Variants in ERG observed in about 807,000 individuals in gnomAD.
ERG encodes transcriptional regulator ERG.
A neutral mutation model predicts 55.3 loss-of-function variants in ERG; 9 were observed. The ratio of observed to expected loss-of-function variants is 0.16; its 90% CI spans 0.10 to 0.28. ERG has a LOEUF of 0.28. Among genes scored for constraint, ERG ranks in the 10% least tolerant of loss-of-function variants. The pLI is 1.00. For synonymous variants in ERG, 223 were observed against 237.3 expected, an observed-to-expected ratio of 0.94 and a Z score of 0.55; for missense variants, 434 against 631.6, an observed-to-expected ratio of 0.69 and a Z score of 3.35.
intron 1 of ERG, among the ~76,000 whole-genome samples, chr21:38,642,800 G>A (rs1475592872): frequency 6.6e-6 from 1 of 152,200 alleles, no homozygotes; most frequent in Non-Finnish European, 1.5e-5. Flanking sequence ...AAGGAGGAGA[G>A]GGGTAGAAAC....
intron 1 of ERG, among the ~76,000 whole-genome samples, chr21:38,613,609 A>C (rs2060241513): frequency 1.3e-5 from 2 of 152,230 alleles, no homozygotes; most frequent in Admixed American, 1.3e-4. Context: ...CTGTGAAGGC[A>C]AGCAGGCTTC....
intron 1 of ERG, among the ~76,000 whole-genome samples, chr21:38,497,704 C>T (rs1044295972): frequency 9.9e-5 from 15 of 152,190 alleles, no homozygotes; most frequent in Middle Eastern, 3.2e-3. Flanking sequence ...TTCCAATCTC[C>T]GCAAACCTAA....
intron 1 of ERG, chr21:38,450,773 AG>A: frequency 2.6e-6 from 1 of 388,056 alleles, no homozygotes; most frequent in Non-Finnish European, 5.1e-6. Context: ...GGCTTATCCT[AG>A]GTATCAGGCA....
At chr21:38,446,413 C>T (rs1437537378) in intron 1 of ERG, among the ~76,000 whole-genome samples, 3 of 152,012 alleles carry the variant, frequency 2.0e-5, no homozygotes, top group Admixed American at 6.6e-5. Flanking sequence ...AATCATTTTT[C>T]GTGGTTTTAA....
At chr21:38,400,445 T>A in intron 6 of ERG, 129 bp downstream of exon 6, 1 of 801,628 alleles carries the variant, frequency 1.2e-6, no homozygotes, top group Non-Finnish European at 2.3e-6. Context: ...AGAGGCAGAA[T>A]AAGACTGTCT....
chr21:38,412,885 C>T (rs57918735), intron 3 of ERG, among the ~76,000 whole-genome samples: 6,331 of 152,140 alleles, frequency 0.042, 424 homozygotes, highest in African/African-American at 0.14. Context: ...TTCTGTACAG[C>T]GTAGGTTGAA....
chr21:38,437,950 C>G (rs1391477955), intron 2 of ERG, among the ~76,000 whole-genome samples: 2 of 152,200 alleles, frequency 1.3e-5, no homozygotes, highest in Non-Finnish European at 2.9e-5. Context: ...CTAATGATTT[C>G]TGAACTCACC....
chr21:38,480,591 CTT>C (rs544037525), intron 1 of ERG, among the ~76,000 whole-genome samples: 80 of 51,110 alleles, frequency 1.6e-3, no homozygotes, highest in African/African-American at 6.0e-3. Context: ...ACTATATGGC[CTT>C]TTTTTTTTTT....
At position 38,382,223 on chromosome 21, in the gene ERG, A is replaced by G. The variant is rs2146407931; in HGVS notation, c.*1180T>C. 1 of 1,047,072 alleles carries G rather than the reference A, an allele frequency of 9.6e-7. No homozygotes were observed. 64.9% of individuals were successfully genotyped at this position (1,047,072 alleles called of 1,614,324 possible). A position where few individuals can be genotyped will look rare whatever the true frequency, so the allele number is the denominator to read the frequency against. ...GTATAAATGCATAAGTTATATAATT[A>G]TTATATAAAAAGGGGGAAAAACATT... On this transcript the variant is annotated 3_prime_UTR_variant, in exon 10 of 10. Transcript: ENST00000288319.
At chr21:38,477,992 T>G (rs2059204574) in intron 1 of ERG, among the ~76,000 whole-genome samples, 1 of 152,258 alleles carries the variant, frequency 6.6e-6, no homozygotes, top group East Asian at 1.9e-4. Flanking sequence ...CATCCTAACA[T>G]TCGATCTTAT....
chr21:38,554,043 C>T (rs1336813516), intron 2 of ERG, among the ~76,000 whole-genome samples: 1 of 151,988 alleles, frequency 6.6e-6, no homozygotes, highest in Non-Finnish European at 1.5e-5. Flanking sequence ...AGACACTTCT[C>T]AAAAGAAGAC....
chr21:38,619,136 C>G (rs1229598607), intron 1 of ERG, among the ~76,000 whole-genome samples: 4 of 152,160 alleles, frequency 2.6e-5, no homozygotes, highest in African/African-American at 9.7e-5. Flanking sequence ...ATGACACACT[C>G]TACCTGTAGA....
In ERG at chr21:38,445,328, A is replaced by G. The variant is rs2058881254; in HGVS notation, c.236+76T>C. On this transcript the variant is annotated intron_variant, in intron 2 of 9. Coordinates refer to ENST00000288319, the MANE Select transcript of ERG (RefSeq NM_182918.4). ...CTAAGTCAATCTTTAGAGAAGCATG[A>G]CTGACTTCCACTTTGCCTTTGCAAA... is the stretch of plus-strand genomic sequence containing the variant. 6 of 1,142,280 alleles carry G rather than the reference A, an allele frequency of 5.3e-6. No homozygotes were observed. In the South Asian group the frequency reaches 8.1e-5, roughly 16 times the overall value. 70.8% of individuals were successfully genotyped at this position (1,142,280 alleles called of 1,614,324 possible). A position where few individuals can be genotyped will look rare whatever the true frequency, so the allele number is the denominator to read the frequency against.
intron 2 of ERG, among the ~76,000 whole-genome samples, chr21:38,445,135 CTTCTT>C (rs980253031): frequency 1.7e-4 from 25 of 145,482 alleles, no homozygotes; most frequent in Admixed American, 4.8e-4. Flanking sequence ...TTTCTTTCTT[CTTCTT>C]TTTTTTTTTT....
At chr21:38,654,295 T>C (rs2060505621) in intron 1 of ERG, among the ~76,000 whole-genome samples, 1 of 152,190 alleles carries the variant, frequency 6.6e-6, no homozygotes, top group Non-Finnish European at 1.5e-5. Flanking sequence ...CTGGCCAATG[T>C]GGCGAAATCC....
chr21:38,450,786 C>A (rs1412181030), intron 1 of ERG: 1 of 407,772 alleles, frequency 2.5e-6, no homozygotes, highest in African/African-American at 2.1e-5. Flanking sequence ...TATCAGGCAG[C>A]ATTTCTTCTT....
chr21:38,579,723 C>T (rs9975948), intron 1 of ERG, among the ~76,000 whole-genome samples: 86,044 of 151,922 alleles, frequency 0.57, 25,724 homozygotes, highest in Non-Finnish European at 0.68. Context: ...GGCACTGCCA[C>T]CCTCCACACC....
intron 1 of ERG, among the ~76,000 whole-genome samples, chr21:38,458,711 G>C (rs1490435438): frequency 1.3e-5 from 2 of 152,096 alleles, no homozygotes; most frequent in African/African-American, 4.8e-5. Flanking sequence ...TGTTGGTCTG[G>C]GTGTCCGAAG....
In ERG at chr21:38,417,324, G is replaced by T. The variant is rs188491198; in HGVS notation, c.388+6086C>A. Among the ~76,000 whole-genome samples the T allele has an allele frequency of 9.2e-5, 14 of 152,308 alleles. No individual in the cohort carries two copies. The East Asian group carries it at 1.2e-3, about 13-fold the overall frequency. On this transcript the variant is annotated intron_variant, in intron 3 of 9. Transcript: ENST00000288319. ...GGAACACAGTAAGAGTTTAATGAAT[G>T]AATTAATAATGAAGAAAGTGAAGAG... is the stretch of plus-strand genomic sequence containing the variant.
Sources: allele counts gnomAD v4.1 joint callset (sites outside exome capture counted in the v4.1 genomes callset), GRCh38; gene constraint gnomAD v4.1.1; transcripts MANE v1.5; gene names NCBI Gene and HGNC (gene_info 2026-07-23, HGNC 2026-07-21).